HRH1: variants seen among roughly 807,000 people sequenced by gnomAD.
The protein encoded by HRH1 is histamine H1 receptor.
HRH1 carries 6 observed loss-of-function variants against 10.3 expected under a neutral mutation model. The ratio of observed to expected loss-of-function variants is 0.58; its 90% CI spans 0.32 to 1.15. The LOEUF (loss-of-function observed/expected upper bound fraction) is 1.15. Among genes scored for constraint, HRH1 ranks in the 50% most tolerant of loss-of-function variants. The pLI, the probability that HRH1 is intolerant of heterozygous loss-of-function variation, is 0.05. For synonymous variants in HRH1, 242 were observed against 236.7 expected, an observed-to-expected ratio of 1.02 and a Z score of -0.21; for missense variants, 514 against 615.3, an observed-to-expected ratio of 0.84 and a Z score of 1.74.
chr3:11,162,936 C>T (rs1004952314), intron 1 of HRH1, among the ~76,000 whole-genome samples: 1 of 151,852 alleles, frequency 6.6e-6, no homozygotes, highest in Non-Finnish European at 1.5e-5. Flanking sequence ...ATTCCACAGG[C>T]ACCACCACAT....
At chr3:11,147,636 C>T (rs1290662388) in intron 1 of HRH1, among the ~76,000 whole-genome samples, 3 of 152,168 alleles carry the variant, frequency 2.0e-5, no homozygotes, top group Non-Finnish European at 4.4e-5. Flanking sequence ...TGGTTTGCCT[C>T]TTAATAACCG....
intron 1 of HRH1, among the ~76,000 whole-genome samples, chr3:11,163,156 C>T (rs368132246): frequency 7.9e-5 from 12 of 152,216 alleles, no homozygotes; most frequent in South Asian, 6.2e-4. Flanking sequence ...GCGTGTTTCC[C>T]GAGCTCCTCC....
rs544573540 is a variant in HRH1, at chr3:11,261,442, G to A, written c.*941G>A. The A allele has an allele frequency of 6.0e-6, 1 of 167,230 alleles. No homozygotes were observed. Among genetic ancestry groups the A allele is most frequent in the East Asian group, 1.9e-4 (1 of 5,190 alleles). 10.4% of individuals were successfully genotyped at this position (167,230 alleles called of 1,614,324 possible). A position where few individuals can be genotyped will look rare whatever the true frequency, so the allele number is the denominator to read the frequency against. The stretch of plus-strand genomic sequence containing the variant: ...AGCAAATTGAGGTTCAGCAAGGTGA[G>A]AGAGGTACCCAAGGTCACATAGCTA... On this transcript the variant is annotated 3_prime_UTR_variant, in exon 2 of 2. Transcript: ENST00000431010.
chr3:11,148,145 A>T (rs1936499528), intron 1 of HRH1, among the ~76,000 whole-genome samples: 1 of 149,432 alleles, frequency 6.7e-6, no homozygotes, highest in South Asian at 2.1e-4. Context: ...GTGCCACTGC[A>T]CTCCGGCCTA....
intron 1 of HRH1, among the ~76,000 whole-genome samples, chr3:11,175,594 G>T (rs1257863709): frequency 6.6e-6 from 1 of 151,962 alleles, no homozygotes; most frequent in Non-Finnish European, 1.5e-5. Flanking sequence ...ACACAGTAAA[G>T]GAGAAATAAA....
intron 1 of HRH1, among the ~76,000 whole-genome samples, chr3:11,190,234 G>T (rs988035744): frequency 6.6e-6 from 1 of 151,792 alleles, no homozygotes; most frequent in East Asian, 1.9e-4. Flanking sequence ...TGACTAGTCC[G>T]GGTGTGGTGG....
At chr3:11,207,699 A>G (rs1466164668) in intron 1 of HRH1, among the ~76,000 whole-genome samples, 1 of 152,178 alleles carries the variant, frequency 6.6e-6, no homozygotes, top group Non-Finnish European at 1.5e-5. Context: ...GGGTCATTCA[A>G]AAAGCTTCCC....
At chr3:11,207,412 T>C (rs934019257) in intron 1 of HRH1, among the ~76,000 whole-genome samples, 9 of 151,280 alleles carry the variant, frequency 5.9e-5, no homozygotes, top group East Asian at 2.0e-4. Context: ...AAAAAAAAAA[T>C]ACAAAAAATT....
upstream of HRH1, chr3:11,154,410 C>T (rs1936727939): frequency 6.6e-6 from 1 of 150,676 alleles, no homozygotes; most frequent in Admixed American, 6.6e-5. This position sits in a 1 kb window ranked among gnomAD's most constrained non-coding sequence, Gnocchi z 4.4. Flanking sequence ...CCCCGCTGCT[C>T]GCGGGTGGGC....
At chr3:11,175,533 A>C (rs773719083) in intron 1 of HRH1, among the ~76,000 whole-genome samples, 2 of 152,240 alleles carry the variant, frequency 1.3e-5, no homozygotes, top group Non-Finnish European at 1.5e-5. Context: ...TAGATTATAT[A>C]ATCCACCTAC....
intron 1 of HRH1, among the ~76,000 whole-genome samples, chr3:11,162,491 T>TGTCGGCCGGGCGC (rs1559256651): frequency 2.7e-5 from 4 of 147,676 alleles, no homozygotes; most frequent in African/African-American, 7.8e-5. Flanking sequence ...AAAGAAGTAC[T>TGTCGGCCGGGCGC]GTCTGTTGAG....
chr3:11,251,028 G>C (rs1421769941), intron 1 of HRH1, among the ~76,000 whole-genome samples: 1 of 152,146 alleles, frequency 6.6e-6, no homozygotes, highest in Non-Finnish European at 1.5e-5. Flanking sequence ...TTTCCTTCTT[G>C]TCTGGTTGTA....
chr3:11,145,179 C>G (rs1377633028), intron 1 of HRH1, among the ~76,000 whole-genome samples: 1 of 152,156 alleles, frequency 6.6e-6, no homozygotes, highest in Non-Finnish European at 1.5e-5. Context: ...ACTCCAATCA[C>G]AACTCTGCGG....
intron 1 of HRH1, among the ~76,000 whole-genome samples, chr3:11,169,158 C>A (rs1937106368): frequency 6.6e-6 from 1 of 152,220 alleles, no homozygotes; most frequent in Admixed American, 6.5e-5. Flanking sequence ...GAGCATGTCC[C>A]TTCTCTCTGT....
chr3:11,212,841 C>T (rs1362325342), intron 1 of HRH1, among the ~76,000 whole-genome samples: 1 of 135,112 alleles, frequency 7.4e-6, no homozygotes, highest in Non-Finnish European at 1.8e-5. Context: ...CGTGATCTAA[C>T]CCCTGTCACC....
chr3:11,217,181 G>A (rs1938535714), intron 1 of HRH1, among the ~76,000 whole-genome samples: 3 of 149,796 alleles, frequency 2.0e-5, no homozygotes, highest in South Asian at 2.1e-4. Flanking sequence ...GGGAGAGTCC[G>A]TCTCCAAAAA....
chr3:11,226,629 T>A (rs533802069), intron 1 of HRH1: 1 of 152,212 alleles, frequency 6.6e-6, no homozygotes, highest in South Asian at 2.1e-4. Flanking sequence ...CTTATGCCTG[T>A]AATCCCAGCA....
chr3:11,182,109 A>C (rs1409734364), intron 1 of HRH1, among the ~76,000 whole-genome samples: 1 of 151,678 alleles, frequency 6.6e-6, no homozygotes, highest in Non-Finnish European at 1.5e-5. Flanking sequence ...TAGCCTCCCT[A>C]GTAGCTGGGA....
At chr3:11,190,835 G>A (rs543663706) in intron 1 of HRH1, among the ~76,000 whole-genome samples, 1 of 152,256 alleles carries the variant, frequency 6.6e-6, no homozygotes, top group East Asian at 1.9e-4. Flanking sequence ...CTGAAATTGT[G>A]GCTCCAGAAA....
Sources: allele counts gnomAD v4.1 joint callset (sites outside exome capture counted in the v4.1 genomes callset), GRCh38; gene constraint gnomAD v4.1.1; non-coding constraint Gnocchi (gnomAD v3.1); transcripts MANE v1.5; gene names NCBI Gene and HGNC (gene_info 2026-07-23, HGNC 2026-07-21).